Variants in SYT1 observed in about 807,000 individuals in gnomAD.
SYT1 encodes synaptotagmin-1.
SYT1 carries 8 observed loss-of-function variants against 44.8 expected under a neutral mutation model. The ratio of observed to expected loss-of-function variants is 0.18; its 90% CI spans 0.10 to 0.32. SYT1 has a LOEUF of 0.32. SYT1 is among the 10% of genes least tolerant of loss of function. The pLI, the probability that SYT1 is intolerant of heterozygous loss-of-function variation, is 1.00. For synonymous variants in SYT1, 154 were observed against 188.8 expected, an observed-to-expected ratio of 0.82 and a Z score of 1.51; for missense variants, 286 against 509.3, an observed-to-expected ratio of 0.56 and a Z score of 4.22.
intron 9 of SYT1, among the ~76,000 whole-genome samples, chr12:79,373,936 C>T (rs1883891730): frequency 6.6e-6 from 1 of 152,204 alleles, no homozygotes; most frequent in Non-Finnish European, 1.5e-5. Context: ...TTTTAGGCAA[C>T]ATGCTCATTT....
chr12:78,897,239 T>G (rs1875411312), intron 1 of SYT1, among the ~76,000 whole-genome samples: 2 of 151,876 alleles, frequency 1.3e-5, no homozygotes, highest in Non-Finnish European at 2.9e-5. Context: ...TTCAGCCTAA[T>G]TTATCTTTAA....
chr12:79,337,397 C>G (rs1343024370), intron 8 of SYT1, among the ~76,000 whole-genome samples: 1 of 152,102 alleles, frequency 6.6e-6, no homozygotes, highest in Non-Finnish European at 1.5e-5. Flanking sequence ...TGTCCCAGAA[C>G]TAAAAAGAGA....
At chr12:78,866,890 T>C (rs1873574380) in intron 1 of SYT1, among the ~76,000 whole-genome samples, 1 of 152,154 alleles carries the variant, frequency 6.6e-6, no homozygotes, top group South Asian at 2.1e-4. Flanking sequence ...TACGTACGTT[T>C]AATATATAAG....
intron 1 of SYT1, among the ~76,000 whole-genome samples, chr12:78,891,412 T>C (rs1403520710): frequency 6.6e-6 from 1 of 151,940 alleles, no homozygotes; most frequent in Non-Finnish European, 1.5e-5. Context: ...TTTTACTCCA[T>C]ACCCAGGTTT....
intron 3 of SYT1, among the ~76,000 whole-genome samples, chr12:79,212,117 C>T (rs1874495682): frequency 1.3e-5 from 2 of 151,944 alleles, no homozygotes; most frequent in South Asian, 2.1e-4. Flanking sequence ...AACCAAAATA[C>T]CCATCAATGA....
intron 2 of SYT1, among the ~76,000 whole-genome samples, chr12:79,002,194 G>T (rs1870782233): frequency 6.6e-6 from 1 of 151,986 alleles, no homozygotes; most frequent in African/African-American, 2.4e-5. Flanking sequence ...ATCCTTTGCT[G>T]TTTAAAAAAA....
At chr12:78,882,200 C>T (rs955663070) in intron 1 of SYT1, among the ~76,000 whole-genome samples, 31 of 151,570 alleles carry the variant, frequency 2.0e-4, no homozygotes, top group African/African-American at 7.3e-4. Context: ...GATGCATAGG[C>T]GATTGACTGA....
At chr12:79,290,691 T>G (rs1047464239) in intron 5 of SYT1, among the ~76,000 whole-genome samples, 15 of 152,238 alleles carry the variant, frequency 9.9e-5, no homozygotes, top group African/African-American at 3.4e-4. Context: ...CATACACATA[T>G]ACAAAAATAG....
intron 3 of SYT1, among the ~76,000 whole-genome samples, chr12:79,087,715 G>A (rs1437965334): frequency 6.6e-6 from 1 of 152,132 alleles, no homozygotes; most frequent in Non-Finnish European, 1.5e-5. Flanking sequence ...AGAAAGTGAT[G>A]TCTCAGCTGG....
intron 2 of SYT1, among the ~76,000 whole-genome samples, chr12:79,032,823 G>GA (rs1872906545): frequency 6.6e-6 from 1 of 151,166 alleles, no homozygotes; most frequent in African/African-American, 2.4e-5. Flanking sequence ...TAACAAGAGA[G>GA]AAAATCACAA....
intron 9 of SYT1, among the ~76,000 whole-genome samples, chr12:79,384,889 C>G (rs1011483707): frequency 1.3e-5 from 2 of 151,918 alleles, no homozygotes; most frequent in Non-Finnish European, 1.5e-5. Context: ...GTTTAATACC[C>G]AAATCTTTGA....
rs1216345251 is a variant in SYT1 at position 79,041,702 on chromosome 12, C to T, written c.-83-5595C>T. The stretch of plus-strand genomic sequence containing the variant: ...GAGACAGGGCATCCCTGTCTTGTGC[C>T]AGTTTTCAAAGGGAATGCTTCCAGT... On this transcript the variant is annotated intron_variant, in intron 2 of 10. Coordinates refer to ENST00000261205, the MANE Select transcript of SYT1 (RefSeq NM_005639.3). 7.6e-3 allele frequency among the ~76,000 whole-genome samples: 1,160 copies of T among 151,822 alleles called. 56 individuals carry two copies. Among genetic ancestry groups the T allele is most frequent in the Admixed American group, 0.069 (1,056 of 15,230 alleles).
intron 1 of SYT1, among the ~76,000 whole-genome samples, chr12:78,876,463 G>GT (rs1555177002): frequency 0.026 from 1,069 of 41,500 alleles, 18 homozygotes; most frequent in Admixed American, 0.085. Context: ...AAATGGAGGT[G>GT]TTTTTTTTTT....
intron 4 of SYT1, among the ~76,000 whole-genome samples, chr12:79,268,175 G>GTGTA (rs1355268860): frequency 6.6e-6 from 1 of 152,144 alleles, no homozygotes; most frequent in African/African-American, 2.4e-5. Flanking sequence ...TTGTGACTTT[G>GTGTA]TGTATATCAA....
rs1877723926 is a variant in SYT1 at position 78,931,374 on chromosome 12, AAG to A, written c.-216-46424_-216-46423del. Among the ~76,000 whole-genome samples the A allele has an allele frequency of 4.8e-4, 44 of 92,054 alleles. 1 individual carries two copies. In the East Asian group the frequency reaches 0.017, roughly 35 times the overall value. 60.4% of individuals were successfully genotyped at this position (92,054 alleles called of 152,430 possible). On this transcript the variant is annotated intron_variant, in intron 1 of 10. Coordinates refer to ENST00000261205, the MANE Select transcript of SYT1 (RefSeq NM_005639.3). ...GAAGGAAGGAAGGAAGGAAGGAAGG[AAG>A]GAAGGAAGGAAGGAAGGAAGGGAGG...
At chr12:78,885,662 G>A (rs1874709229) in intron 1 of SYT1, among the ~76,000 whole-genome samples, 1 of 151,992 alleles carries the variant, frequency 6.6e-6, no homozygotes, top group African/African-American at 2.4e-5. Context: ...GGTGCTGCAG[G>A]CTGAGGGAGC....
At chr12:79,179,007 G>T (rs60739502) in intron 3 of SYT1, among the ~76,000 whole-genome samples, 571 of 14,748 alleles carry the variant, frequency 0.039, 33 homozygotes, top group African/African-American at 0.067. Context: ...TATAGATATA[G>T]ATATATAGAT....
intron 1 of SYT1, among the ~76,000 whole-genome samples, chr12:78,871,940 A>G (rs944982869): frequency 6.6e-6 from 1 of 151,838 alleles, no homozygotes; most frequent in Non-Finnish European, 1.5e-5. Context: ...AAGTTTTTAT[A>G]TTTAAATATG....
At chr12:79,014,110 T>G in intron 2 of SYT1, among the ~76,000 whole-genome samples, 1 of 111,238 alleles carries the variant, frequency 9.0e-6, no homozygotes, top group Non-Finnish European at 1.7e-5. Flanking sequence ...GGCAACAGAG[T>G]GAGACTCTCT....
Sources: gnomAD v4.1 joint callset for allele counts (sites outside exome capture counted in the v4.1 genomes callset) on GRCh38, gnomAD v4.1.1 for gene constraint, MANE v1.5 for transcripts, NCBI Gene and HGNC (gene_info 2026-07-23, HGNC 2026-07-21) for gene names.